KHDRBS2: variants seen among roughly 807,000 people sequenced by gnomAD.
KHDRBS2 encodes the protein KH domain-containing, RNA-binding, signal transduction-associated protein 2.
A neutral mutation model predicts 44.3 loss-of-function variants in KHDRBS2; 26 were observed. That is an observed-to-expected ratio of 0.59 (90% CI 0.43 to 0.81). The LOEUF is 0.81. Ranked by LOEUF, KHDRBS2 falls within the 40% of genes least tolerant of loss-of-function variation. KHDRBS2 has a pLI of 0.00. For missense variants in KHDRBS2, 476 were observed against 433.1 expected (o/e 1.10, Z -0.88); for synonymous variants, 194 against 151.1 (o/e 1.28, Z -2.08).
At chr6:62,000,698 A>T (rs1011855949) in intron 3 of KHDRBS2, among the ~76,000 whole-genome samples, 4 of 152,100 alleles carry the variant, frequency 2.6e-5, no homozygotes, top group Non-Finnish European at 4.4e-5. Context: ...ACTTGGCAAG[A>T]TTTATACAGG....
chr6:61,910,409 T>A (rs956647237), intron 4 of KHDRBS2, among the ~76,000 whole-genome samples: 2 of 152,196 alleles, frequency 1.3e-5, no homozygotes, highest in African/African-American at 4.8e-5. Flanking sequence ...AACTTATTCA[T>A]CAAGGAAGAT....
At chr6:62,192,378 A>C (rs1307653801) in intron 1 of KHDRBS2, among the ~76,000 whole-genome samples, 1 of 152,120 alleles carries the variant, frequency 6.6e-6, no homozygotes, top group African/African-American at 2.4e-5. Context: ...ATCTTAATGA[A>C]AAGAAAACAA....
chr6:61,760,142 T>C (rs973427124), intron 6 of KHDRBS2, among the ~76,000 whole-genome samples: 3 of 152,350 alleles, frequency 2.0e-5, no homozygotes, highest in Non-Finnish European at 2.9e-5. Context: ...AATTCAATTA[T>C]ACATTGTGCT....
the KHDRBS2 span, among the ~76,000 whole-genome samples, chr6:61,641,928 A>G: frequency 6.6e-6 from 1 of 152,202 alleles, no homozygotes; most frequent in Non-Finnish European, 1.5e-5. Context: ...GATTAAGTAC[A>G]TTCTTTGTTT....
At chr6:61,978,772 C>T (rs969351293) in intron 3 of KHDRBS2, among the ~76,000 whole-genome samples, 1 of 152,044 alleles carries the variant, frequency 6.6e-6, no homozygotes, top group Non-Finnish European at 1.5e-5. Flanking sequence ...TTTTCTATCG[C>T]TTGCTGCCTT....
chr6:61,786,002 C>A (rs1256189878), intron 6 of KHDRBS2, among the ~76,000 whole-genome samples: 2 of 152,072 alleles, frequency 1.3e-5, no homozygotes, highest in African/African-American at 4.8e-5. Context: ...GACATATAGA[C>A]ACACAGGCAC....
chr6:61,719,020 T>A (rs1771906858), intron 7 of KHDRBS2, among the ~76,000 whole-genome samples: 1 of 152,208 alleles, frequency 6.6e-6, no homozygotes, highest in Non-Finnish European at 1.5e-5. Context: ...TATCTATGTC[T>A]AATCTACATC....
chr6:61,669,147 G>T, the KHDRBS2 span, among the ~76,000 whole-genome samples: 1 of 151,040 alleles, frequency 6.6e-6, no homozygotes, highest in Non-Finnish European at 1.5e-5. Context: ...TTACTGTACA[G>T]GACTCAATAT....
At chr6:62,238,120 A>G (rs1259001022) in intron 1 of KHDRBS2, among the ~76,000 whole-genome samples, 2 of 152,066 alleles carry the variant, frequency 1.3e-5, no homozygotes, top group East Asian at 3.9e-4. Flanking sequence ...AAAATTGTCA[A>G]ATTAATTAGA....
At position 61,875,193 on chromosome 6, in the gene KHDRBS2, GGAGA is replaced by G. The variant is rs149120821; in HGVS notation, c.810+19438_810+19441del. Among the ~76,000 whole-genome samples the G allele has an allele frequency of 6.4e-3, 951 of 148,392 alleles. 3 individuals are homozygous for G. Among genetic ancestry groups the G allele is most frequent in the Non-Finnish European group, 9.3e-3 (623 of 66,690 alleles). On this transcript the variant is annotated intron_variant, in intron 6 of 8. Coordinates refer to ENST00000281156, the MANE Select transcript of KHDRBS2 (RefSeq NM_152688.4). ...GTGTGGGCGTGGTGGGGGCAGGGAG[GGAGA>G]GAGAGAGAGAGAGAGAGTGGTGTTG... is the stretch of plus-strand genomic sequence containing the variant.
chr6:61,560,885 G>A, the KHDRBS2 span, among the ~76,000 whole-genome samples: 1 of 152,092 alleles, frequency 6.6e-6, no homozygotes, highest in African/African-American at 2.4e-5. Flanking sequence ...ATGTTCTTCA[G>A]TGTCTGGGTA....
intron 1 of KHDRBS2, among the ~76,000 whole-genome samples, chr6:62,224,243 CT>C (rs1264899725): frequency 6.6e-6 from 1 of 152,102 alleles, no homozygotes; most frequent in East Asian, 1.9e-4. Context: ...GCAGAAACCC[CT>C]GATAAAGCCA....
intron 2 of KHDRBS2, among the ~76,000 whole-genome samples, chr6:62,150,165 T>A (rs1374785896): frequency 6.6e-6 from 1 of 152,104 alleles, no homozygotes; most frequent in African/African-American, 2.4e-5. Flanking sequence ...CTGTGTTGGG[T>A]TGGTTCATCC....
chr6:61,623,878 T>C, the KHDRBS2 span, among the ~76,000 whole-genome samples: 1 of 152,330 alleles, frequency 6.6e-6, no homozygotes, highest in South Asian at 2.1e-4. Context: ...CATTCAGGGA[T>C]GGCTTTAAAA....
chr6:61,915,990 A>G (rs1382814488), intron 4 of KHDRBS2, among the ~76,000 whole-genome samples: 1 of 152,028 alleles, frequency 6.6e-6, no homozygotes, highest in African/African-American at 2.4e-5. Flanking sequence ...TTCTCACCAT[A>G]CAGGTAATTT....
chr6:61,575,521 G>A, the KHDRBS2 span, among the ~76,000 whole-genome samples: 1 of 152,134 alleles, frequency 6.6e-6, no homozygotes, highest in Non-Finnish European at 1.5e-5. Flanking sequence ...ATGTACACTA[G>A]TACAACCACT....
chr6:61,734,717 C>T (rs1352579118), intron 6 of KHDRBS2, among the ~76,000 whole-genome samples: 2 of 152,012 alleles, frequency 1.3e-5, no homozygotes, highest in Non-Finnish European at 1.5e-5. Flanking sequence ...TTTCTTCCAA[C>T]GTTAATAATT....
At chr6:62,014,672 A>T (rs1001120464) in intron 3 of KHDRBS2, among the ~76,000 whole-genome samples, 7 of 152,170 alleles carry the variant, frequency 4.6e-5, no homozygotes, top group Non-Finnish European at 8.8e-5. Context: ...ATAAAGATTA[A>T]CTGAATAATT....
intron 6 of KHDRBS2, among the ~76,000 whole-genome samples, chr6:61,749,012 T>TC (rs1562088059): frequency 7.6e-6 from 1 of 132,080 alleles, no homozygotes; most frequent in African/African-American, 2.8e-5. Context: ...TTTCTTTCTT[T>TC]TTTTTTTTTT....
Sources: allele counts gnomAD v4.1 joint callset (sites outside exome capture counted in the v4.1 genomes callset), GRCh38; gene constraint gnomAD v4.1.1; transcripts MANE v1.5; gene names NCBI Gene and HGNC (gene_info 2026-07-23, HGNC 2026-07-21).